The following UBE2Q2 variants were observed in gnomAD, a reference collection of about 807,000 sequenced individuals.
UBE2Q2 encodes the protein ubiquitin-conjugating enzyme E2 Q2.
A neutral mutation model predicts 59.9 loss-of-function variants in UBE2Q2; 54 were observed. The ratio of observed to expected loss-of-function variants is 0.90; its 90% CI spans 0.72 to 1.13. The LOEUF (loss-of-function observed/expected upper bound fraction) is 1.13. UBE2Q2 is among the 50% of genes most tolerant of loss of function. UBE2Q2 has a pLI of 0.00. For synonymous variants in UBE2Q2, 165 were observed against 155.2 expected, an observed-to-expected ratio of 1.06 and a Z score of -0.47; for missense variants, 433 against 441.9, an observed-to-expected ratio of 0.98 and a Z score of 0.18.
intron 8 of UBE2Q2, 79 bp downstream of exon 8, chr15:75,879,267 G>T: frequency 9.5e-6 from 8 of 838,720 alleles, no homozygotes; most frequent in Non-Finnish European, 1.5e-5. Flanking sequence ...AAACAATTTG[G>T]TAAAGTAGAA....
intron 10 of UBE2Q2, 53 bp downstream of exon 10, chr15:75,890,536 T>A: frequency 2.6e-6 from 4 of 1,513,252 alleles, no homozygotes; most frequent in Non-Finnish European, 3.6e-6. Flanking sequence ...GTTTTGATCA[T>A]GTAAATTAGA....
Position 75,899,453 on chromosome 15 carries a change from G to T in UBE2Q2, c.1123G>T (p.Gly375Cys). 6.3e-7 allele frequency: 1 copy of T among 1,592,190 alleles called. No individual in the cohort carries two copies. Among genetic ancestry groups the T allele is most frequent in the Admixed American group, 1.7e-5 (1 of 57,922 alleles). Residue 375 changes from glycine (G) to cysteine (C), a missense_variant, in exon 13 of 13, where the codon GGC becomes TGC. Coordinates refer to ENST00000267938, the MANE Select transcript of UBE2Q2 (RefSeq NM_173469.4). ...NGWYTPPKED[G>C] Reference sequence around the variant, plus strand: ...CTGGTACACCCCTCCAAAGGAAGATGGCTAAATGTGTTGACTGTTGTATGT... The same window carrying T: ...CTGGTACACCCCTCCAAAGGAAGATTGCTAAATGTGTTGACTGTTGTATGT...
intron 3 of UBE2Q2, among the ~76,000 whole-genome samples, chr15:75,860,910 G>A (rs774274204): frequency 1.3e-5 from 2 of 152,176 alleles, no homozygotes; most frequent in Non-Finnish European, 2.9e-5. Flanking sequence ...CCCTAAGAAA[G>A]CATGGAGGAG....
chr15:75,890,241 G>A (rs1899018023), intron 9 of UBE2Q2, among the ~76,000 whole-genome samples, 194 bp from the exon 10 acceptor site: 1 of 152,194 alleles, frequency 6.6e-6, no homozygotes, highest in African/African-American at 2.4e-5. Context: ...GAATTTCAGA[G>A]GGATTACATT....
chr15:75,871,218 C>T (rs1897767266), intron 4 of UBE2Q2, among the ~76,000 whole-genome samples: 1 of 152,228 alleles, frequency 6.6e-6, no homozygotes, highest in South Asian at 2.1e-4. Context: ...GTATTGCTGC[C>T]CGCATGTCCC....
chr15:75,899,605 C>A lies in UBE2Q2; in HGVS notation c.*147C>A. 1.7e-6 allele frequency: 1 copy of A among 601,158 alleles called. No individual in the cohort carries two copies. The highest frequency in any genetic ancestry group is 2.7e-6 in the Non-Finnish European group (1 of 363,676). The allele number at this position is 601,158 out of a possible 1,614,324, so 37.2% of individuals were successfully genotyped here. A position where few individuals can be genotyped will look rare whatever the true frequency, so the allele number is the denominator to read the frequency against. On this transcript the variant is annotated 3_prime_UTR_variant, in exon 13 of 13. Transcript: ENST00000267938. ...TAGTGGATAATCTGTCATCTGACAT[C>A]CAGTATAAGTTACAGCCTTTGCATT...
intron 3 of UBE2Q2, among the ~76,000 whole-genome samples, chr15:75,861,601 A>G (rs982614991): frequency 6.6e-6 from 1 of 151,436 alleles, no homozygotes; most frequent in African/African-American, 2.4e-5. Flanking sequence ...GGGATTTTAG[A>G]CCTCTTGTCT....
chr15:75,873,035 T>C (rs906032915), intron 4 of UBE2Q2, among the ~76,000 whole-genome samples: 4 of 152,226 alleles, frequency 2.6e-5, no homozygotes, highest in African/African-American at 7.2e-5. Flanking sequence ...AATTAGTGTT[T>C]ATAGTTTAAA....
Position 75,899,752 on chromosome 15 carries a change from A to G in UBE2Q2, c.*294A>G, listed in dbSNP as rs1899653386. 4.9e-6 allele frequency: 1 copy of G among 202,430 alleles called. No individual in the cohort carries two copies. Among genetic ancestry groups the G allele is most frequent in the African/African-American group, 2.3e-5 (1 of 42,866 alleles). The allele number at this position is 202,430 out of a possible 1,614,324, so 12.5% of individuals were successfully genotyped here. On this transcript the variant is annotated 3_prime_UTR_variant, in exon 13 of 13. Transcript: ENST00000267938. ...AAAAGTGAACTTTTTAAAGCAGCCA[A>G]GTCAACATCAGGCTACTGAAGTTGA...
rs1007219179 is a variant in UBE2Q2, at chr15:75,876,654, G to A, written c.673+383G>A. Among the ~76,000 whole-genome samples the A allele has an allele frequency of 3.9e-5, 6 of 152,114 alleles. No individual in the cohort carries two copies. The East Asian group carries it at 7.7e-4, about 20-fold the overall frequency. On this transcript the variant is annotated intron_variant, in intron 6 of 12. Transcript: ENST00000267938. ...ATTTTTATGATTCCCCCCCATTTTTGAAAGCAAGATAATCAGCTTTTATTG... is the reference window on the plus strand; with the variant it reads ...ATTTTTATGATTCCCCCCCATTTTTAAAAGCAAGATAATCAGCTTTTATTG...
At chr15:75,875,124 C>T (rs1008176756) in intron 5 of UBE2Q2, among the ~76,000 whole-genome samples, 1 of 152,146 alleles carries the variant, frequency 6.6e-6, no homozygotes, top group Non-Finnish European at 1.5e-5. Flanking sequence ...GTCAAAACAA[C>T]TATAAGTTAC....
At chr15:75,867,508 C>CT (rs940990049) in intron 3 of UBE2Q2, among the ~76,000 whole-genome samples, 3 of 152,284 alleles carry the variant, frequency 2.0e-5, no homozygotes, top group East Asian at 1.9e-4. Context: ...CAGACCTACT[C>CT]TTTTTTTATA....
intron 1 of UBE2Q2, among the ~76,000 whole-genome samples, chr15:75,845,905 C>G (rs891540093): frequency 3.3e-5 from 5 of 152,134 alleles, no homozygotes; most frequent in South Asian, 2.1e-4. Flanking sequence ...GAGACACTTT[C>G]AGTACAAGGA....
At chr15:75,881,816 A>T (rs1336126380) in intron 8 of UBE2Q2, among the ~76,000 whole-genome samples, 1 of 152,204 alleles carries the variant, frequency 6.6e-6, no homozygotes, top group Non-Finnish European at 1.5e-5. Context: ...TAAGGAAGTC[A>T]CTTTTTGGTG....
chr15:75,892,248 A>G (rs1899146530), intron 11 of UBE2Q2, among the ~76,000 whole-genome samples: 1 of 152,198 alleles, frequency 6.6e-6, no homozygotes, highest in African/African-American at 2.4e-5. Flanking sequence ...TTTGTAGGAA[A>G]GCATCTCTAA....
At chr15:75,847,341 G>T (rs748776281) in intron 1 of UBE2Q2, among the ~76,000 whole-genome samples, 5 of 152,190 alleles carry the variant, frequency 3.3e-5, no homozygotes, top group Non-Finnish European at 7.3e-5. Flanking sequence ...CTAAGGGCTT[G>T]ATGGAAGTCT....
intron 1 of UBE2Q2, among the ~76,000 whole-genome samples, chr15:75,848,050 G>A (rs142839755): frequency 6.6e-6 from 1 of 152,192 alleles, no homozygotes; most frequent in African/African-American, 2.4e-5. Flanking sequence ...GAGAAGTTTA[G>A]CTTTTATTTA....
intron 2 of UBE2Q2, among the ~76,000 whole-genome samples, chr15:75,859,494 G>C (rs1296536716): frequency 1.3e-5 from 2 of 152,088 alleles, no homozygotes; most frequent in Non-Finnish European, 2.9e-5. Context: ...GTGTGTCTGG[G>C]TTATTTTTTC....
intron 1 of UBE2Q2, 166 bp downstream of exon 1, chr15:75,844,012 G>A: frequency 7.1e-7 from 1 of 1,410,226 alleles, no homozygotes. Context: ...GGCTGGGACT[G>A]CGCGAGGCTT....
Sources: gnomAD v4.1 joint callset for allele counts (sites outside exome capture counted in the v4.1 genomes callset) on GRCh38, gnomAD v4.1.1 for gene constraint, MANE v1.5 for transcripts, NCBI Gene and HGNC (gene_info 2026-07-23, HGNC 2026-07-21) for gene names.